Variants in ZFHX3 observed in about 807,000 individuals in gnomAD.
The protein encoded by ZFHX3 is zinc finger homeobox protein 3.
Under a neutral mutation model 279.1 loss-of-function variants are expected in ZFHX3, and 42 were observed. That is an observed-to-expected ratio of 0.15 (90% CI 0.12 to 0.19). The LOEUF (loss-of-function observed/expected upper bound fraction) is 0.19, where lower values mean the gene tolerates loss of function less well. ZFHX3 is among the 10% of genes least tolerant of loss of function. The pLI, the probability that ZFHX3 is intolerant of heterozygous loss-of-function variation, is 1.00. For synonymous variants in ZFHX3, 2,293 were observed against 1,957.8 expected, an observed-to-expected ratio of 1.17 and a Z score of -4.52; for missense variants, 4,981 against 4,754.0, an observed-to-expected ratio of 1.05 and a Z score of -1.40.
At chr16:72,808,513 A>G (rs1292142835) in intron 7 of ZFHX3, among the ~76,000 whole-genome samples, 1 of 152,266 alleles carries the variant, frequency 6.6e-6, no homozygotes, top group African/African-American at 2.4e-5. Flanking sequence ...TAAAATACTT[A>G]TATGATTACA....
At chr16:73,707,737 T>C (rs1321458728) in intron 1 of ZFHX3, among the ~76,000 whole-genome samples, 3 of 132,166 alleles carry the variant, frequency 2.3e-5, no homozygotes, top group Non-Finnish European at 3.4e-5. Flanking sequence ...ACTTAAAGTA[T>C]AATAATAATA....
At chr16:73,841,077 A>G (rs1961293566) in intron 1 of ZFHX3, among the ~76,000 whole-genome samples, 1 of 152,156 alleles carries the variant, frequency 6.6e-6, no homozygotes, top group South Asian at 2.1e-4. Flanking sequence ...GAAATCAGTT[A>G]AAGGGGAAAA....
At chr16:73,108,341 AAAG>A (rs1287347770) in intron 7 of ZFHX3, among the ~76,000 whole-genome samples, 4 of 152,092 alleles carry the variant, frequency 2.6e-5, no homozygotes, top group Admixed American at 6.6e-5. Flanking sequence ...CTTAAAAAAA[AAAG>A]AGAGAGAGAG....
chr16:73,815,202 G>C (rs548564110), intron 1 of ZFHX3, among the ~76,000 whole-genome samples: 1 of 152,286 alleles, frequency 6.6e-6, no homozygotes, highest in Admixed American at 6.5e-5. Context: ...ATCTCATCCA[G>C]TTTGACTTAT....
intron 5 of ZFHX3, among the ~76,000 whole-genome samples, chr16:73,238,378 G>A (rs951074051): frequency 1.3e-5 from 2 of 151,966 alleles, no homozygotes; most frequent in Middle Eastern, 3.2e-3. Flanking sequence ...GATGGTCCAC[G>A]AGCCCTTCAA....
chr16:73,071,885 G>A (rs1404866319), intron 8 of ZFHX3, among the ~76,000 whole-genome samples: 2 of 152,230 alleles, frequency 1.3e-5, no homozygotes, highest in African/African-American at 2.4e-5. Flanking sequence ...GAATCAAAGG[G>A]AACAGCTGTC....
intron 3 of ZFHX3, among the ~76,000 whole-genome samples, chr16:73,379,215 G>A (rs1283277932): frequency 6.6e-6 from 1 of 152,156 alleles, no homozygotes; most frequent in Non-Finnish European, 1.5e-5. Flanking sequence ...GAGGAGTAAA[G>A]GTGTTAAGGG....
chr16:73,159,510 C>T (rs1310075025), intron 5 of ZFHX3, among the ~76,000 whole-genome samples: 2 of 152,068 alleles, frequency 1.3e-5, no homozygotes, highest in Non-Finnish European at 2.9e-5. Context: ...TTGGGGTTGC[C>T]TGCTGAGAAA....
intron 3 of ZFHX3, among the ~76,000 whole-genome samples, chr16:72,920,362 T>C (rs2039552511): frequency 6.6e-6 from 1 of 152,056 alleles, no homozygotes; most frequent in Admixed American, 6.5e-5. Flanking sequence ...TGGATTCCAT[T>C]ATGATTAGGA....
chr16:73,032,504 G>A (rs1597115271), intron 1 of ZFHX3, among the ~76,000 whole-genome samples: 2 of 152,174 alleles, frequency 1.3e-5, no homozygotes, highest in South Asian at 2.1e-4. Context: ...CAGACTTCAC[G>A]AGCGCATGCG....
chr16:73,639,048 C>G (rs2142154457), intron 2 of ZFHX3, among the ~76,000 whole-genome samples: 1 of 152,224 alleles, frequency 6.6e-6, no homozygotes, highest in South Asian at 2.1e-4. Flanking sequence ...AGCTAGTGGT[C>G]TGTCTAACAG....
intron 5 of ZFHX3, among the ~76,000 whole-genome samples, chr16:73,241,303 T>G (rs191847340): frequency 6.0e-5 from 9 of 148,764 alleles, no homozygotes; most frequent in African/African-American, 1.4e-4. Context: ...AACTCATTTT[T>G]GCTTTTTGCT....
intron 2 of ZFHX3, among the ~76,000 whole-genome samples, chr16:73,498,063 C>T (rs964300206): frequency 1.3e-5 from 2 of 152,154 alleles, no homozygotes; most frequent in South Asian, 2.1e-4. Context: ...ATGGCCATTG[C>T]TTATATTTTT....
intron 1 of ZFHX3, among the ~76,000 whole-genome samples, chr16:73,839,594 G>C (rs1455583205): frequency 1.3e-5 from 2 of 152,148 alleles, no homozygotes; most frequent in Admixed American, 1.3e-4. Flanking sequence ...AAATGTTCAA[G>C]GGGATTTTAA....
intron 5 of ZFHX3, among the ~76,000 whole-genome samples, chr16:73,230,118 C>T (rs953441156): frequency 8.6e-5 from 13 of 151,962 alleles, no homozygotes; most frequent in Non-Finnish European, 1.6e-4. Flanking sequence ...AAATGAGTAG[C>T]GGGATGCACA....
intron 3 of ZFHX3, among the ~76,000 whole-genome samples, chr16:72,928,170 GGGGGAGGGGAGAGAGGGA>G (rs1959574313): frequency 2.3e-5 from 1 of 44,198 alleles, no homozygotes; most frequent in African/African-American, 1.0e-4. Flanking sequence ...GAGAGAGGGA[GGGGGAGGGGAGAGAGGGA>G]GGGGGAGGGG....
chr16:73,236,565 C>T (rs544259013), intron 5 of ZFHX3, among the ~76,000 whole-genome samples: 11 of 151,850 alleles, frequency 7.2e-5, no homozygotes, highest in Non-Finnish European at 1.5e-4. Context: ...GCCACTGCAC[C>T]CCAGCCTGGG....
chr16:73,371,262 G>C (rs113212453), intron 3 of ZFHX3, among the ~76,000 whole-genome samples: 2 of 151,728 alleles, frequency 1.3e-5, no homozygotes, highest in Non-Finnish European at 2.9e-5. Context: ...AGCCGAGATC[G>C]CACCACTGCA....
At chr16:73,392,418 CAAAAAAAAAAAAAA>C (rs35019692) in intron 3 of ZFHX3, among the ~76,000 whole-genome samples, 2 of 35,782 alleles carry the variant, frequency 5.6e-5, no homozygotes, top group Admixed American at 4.8e-4. Context: ...GACCCTGTCT[CAAAAAAAAAAAAAA>C]AAAAAAAAAA....
Sources: gnomAD v4.1 joint callset for allele counts (sites outside exome capture counted in the v4.1 genomes callset) on GRCh38, gnomAD v4.1.1 for gene constraint, MANE v1.5 for transcripts, NCBI Gene and HGNC (gene_info 2026-07-23, HGNC 2026-07-21) for gene names.